TPRG1: variants seen among roughly 807,000 people sequenced by gnomAD.
TPRG1 encodes tumor protein p63-regulated gene 1 protein.
In TPRG1, 29 loss-of-function variants were observed where a neutral mutation model predicts 29.3. That is an observed-to-expected ratio of 0.99 (90% CI 0.74 to 1.35). The LOEUF (loss-of-function observed/expected upper bound fraction) is 1.35, where lower values mean the gene tolerates loss of function less well. Ranked by LOEUF, TPRG1 falls within the 40% of genes most tolerant of loss-of-function variation. The pLI is 0.00. For synonymous variants in TPRG1, 130 were observed against 116.8 expected (o/e 1.11, Z -0.73); for missense variants, 327 against 335.0 (o/e 0.98, Z 0.19).
intron 3 of TPRG1, among the ~76,000 whole-genome samples, chr3:189,138,410 G>A (rs752983729): frequency 2.6e-5 from 4 of 152,108 alleles, no homozygotes; most frequent in African/African-American, 7.2e-5. Flanking sequence ...AAATACCAGC[G>A]GATTAAGAGA....
At chr3:189,062,830 C>G (rs1320290960) in intron 4 of TPRG1, among the ~76,000 whole-genome samples, 1 of 151,914 alleles carries the variant, frequency 6.6e-6, no homozygotes, top group Non-Finnish European at 1.5e-5. Flanking sequence ...ATATAACCCA[C>G]AGGAAGGCAA....
intron 3 of TPRG1, among the ~76,000 whole-genome samples, chr3:189,234,622 A>G (rs990525103): frequency 2.6e-5 from 4 of 152,214 alleles, no homozygotes; most frequent in Non-Finnish European, 4.4e-5. Flanking sequence ...CCCAAACAGC[A>G]TGAACCAAGG....
intron 2 of TPRG1, among the ~76,000 whole-genome samples, chr3:189,130,971 A>T (rs1723048580): frequency 6.6e-6 from 1 of 152,132 alleles, no homozygotes; most frequent in South Asian, 2.1e-4. Flanking sequence ...TGATTATGAG[A>T]TGTGTACTTT....
At chr3:189,307,776 GC>G (rs1721850948) in intron 4 of TPRG1, among the ~76,000 whole-genome samples, 1 of 152,300 alleles carries the variant, frequency 6.6e-6, no homozygotes, top group African/African-American at 2.4e-5. Flanking sequence ...CTGGGCTATA[GC>G]TTCCAAGAGC....
At chr3:189,290,906 T>TTTG (rs1009183499) in intron 4 of TPRG1, among the ~76,000 whole-genome samples, 5 of 152,060 alleles carry the variant, frequency 3.3e-5, no homozygotes, top group African/African-American at 4.8e-5. Context: ...CCCATTTCTT[T>TTTG]TTGTTGTTGT....
At chr3:189,087,844 C>G (rs1428137567) in intron 4 of TPRG1, among the ~76,000 whole-genome samples, 1 of 152,058 alleles carries the variant, frequency 6.6e-6, no homozygotes, top group Non-Finnish European at 1.5e-5. Context: ...TCTGAGGGCT[C>G]TGTTCTGTTC....
chr3:189,273,425 T>C (rs1715560429), intron 4 of TPRG1, among the ~76,000 whole-genome samples: 1 of 152,028 alleles, frequency 6.6e-6, no homozygotes, highest in Non-Finnish European at 1.5e-5. Flanking sequence ...AAATCAAAAG[T>C]TTTTATGTCC....
At chr3:189,219,537 T>A in intron 3 of TPRG1, 1 of 1,193,750 alleles carries the variant, frequency 8.4e-7, no homozygotes, top group Non-Finnish European at 1.1e-6. Context: ...AAAAAAAGAT[T>A]ATTTTAAAAA....
At chr3:189,240,191 A>G (rs1169753215) in intron 4 of TPRG1, 1 of 152,180 alleles carries the variant, frequency 6.6e-6, no homozygotes, top group East Asian at 1.9e-4. Flanking sequence ...AAAAGTGATT[A>G]ATTTATTAAG....
rs556520205 is a variant in TPRG1, at chr3:189,087,448, C to T, written c.-462-39609C>T. ...TAGGTTGCAAAAATTTTCTCCCATTCTGTAGGTTGCCTGTTCACTCTGATG... is the reference window on the plus strand; with the variant it reads ...TAGGTTGCAAAAATTTTCTCCCATTTTGTAGGTTGCCTGTTCACTCTGATG... On this transcript the variant is annotated intron_variant, in intron 4 of 10. Transcript: ENST00000433971. Among the ~76,000 whole-genome samples, 99 of 151,930 alleles carry T rather than the reference C, an allele frequency of 6.5e-4. 2 individuals carry two copies. The highest frequency in any genetic ancestry group is 1.2e-3 in the Non-Finnish European group (80 of 67,958).
intron 4 of TPRG1, among the ~76,000 whole-genome samples, chr3:189,302,282 A>G (rs150961031): frequency 6.6e-6 from 1 of 152,290 alleles, no homozygotes; most frequent in Non-Finnish European, 1.5e-5. Context: ...GTATTGAATG[A>G]ATGAAGCCTT....
chr3:189,173,521 G>A (rs1388233354), intron 1 of TPRG1, among the ~76,000 whole-genome samples: 15 of 151,578 alleles, frequency 9.9e-5, no homozygotes, highest in Admixed American at 7.2e-4. Flanking sequence ...TGTATTTTTA[G>A]TAGAGACGGG....
At chr3:189,077,492 A>G (rs572132443) in intron 4 of TPRG1, among the ~76,000 whole-genome samples, 39 of 152,150 alleles carry the variant, frequency 2.6e-4, no homozygotes, top group Non-Finnish European at 5.0e-4. Context: ...TTTAGAAAAG[A>G]TTGAGTGGAA....
At chr3:189,075,085 A>G (rs915102908) in intron 4 of TPRG1, among the ~76,000 whole-genome samples, 1 of 150,206 alleles carries the variant, frequency 6.7e-6, no homozygotes, top group Non-Finnish European at 1.5e-5. Context: ...CTACCCCTTA[A>G]TATCAGTTTT....
At chr3:189,291,849 T>C (rs1013172539) in intron 4 of TPRG1, among the ~76,000 whole-genome samples, 6 of 152,182 alleles carry the variant, frequency 3.9e-5, no homozygotes, top group African/African-American at 1.4e-4. Context: ...GCTGGGAGCA[T>C]TGTGTTTTGG....
chr3:189,181,758 T>G (rs1044826577), intron 1 of TPRG1, among the ~76,000 whole-genome samples: 9 of 152,214 alleles, frequency 5.9e-5, no homozygotes, highest in Admixed American at 2.6e-4. Flanking sequence ...CCAAAGTTGC[T>G]TCCACATTTT....
intron 3 of TPRG1, among the ~76,000 whole-genome samples, chr3:189,136,706 T>C (rs1723789617): frequency 6.6e-6 from 1 of 152,212 alleles, no homozygotes; most frequent in Non-Finnish European, 1.5e-5. Flanking sequence ...TCAAGGTTAT[T>C]ATGCACATTT....
At chr3:189,127,361 T>C (rs1161829571) in intron 2 of TPRG1, among the ~76,000 whole-genome samples, 2 of 152,326 alleles carry the variant, frequency 1.3e-5, no homozygotes, top group African/African-American at 2.4e-5. Context: ...AAAGGCAAGA[T>C]GTCAGAACTA....
chr3:189,311,965 A>G (rs1182354822), intron 5 of TPRG1, among the ~76,000 whole-genome samples: 2 of 152,150 alleles, frequency 1.3e-5, no homozygotes, highest in Middle Eastern at 6.3e-3. Context: ...CTTCAAATGC[A>G]ATATCAGACT....
Sources: allele counts gnomAD v4.1 joint callset (sites outside exome capture counted in the v4.1 genomes callset), GRCh38; gene constraint gnomAD v4.1.1; transcripts MANE v1.5; gene names NCBI Gene and HGNC (gene_info 2026-07-23, HGNC 2026-07-21).